Variants in TENM2 observed in about 807,000 individuals in gnomAD.
The protein encoded by TENM2 is teneurin transmembrane protein 2, also known as teneurin-2.
In TENM2, 52 loss-of-function variants were observed where a neutral mutation model predicts 245.2. The observed-to-expected ratio is 0.21, with a 90% CI of 0.17 to 0.27. The LOEUF (loss-of-function observed/expected upper bound fraction) is 0.27, where lower values mean the gene tolerates loss of function less well. Ranked by LOEUF, TENM2 falls within the 10% of genes least tolerant of loss-of-function variation. The probability of loss-of-function intolerance (pLI) is 1.00; values close to 1 mark genes in which losing one functional copy is unlikely to be tolerated. For missense variants in TENM2, 3,046 were observed against 3,666.8 expected, an observed-to-expected ratio of 0.83 and a Z score of 4.37; for synonymous variants, 1,363 against 1,438.9, an observed-to-expected ratio of 0.95 and a Z score of 1.19.
At chr5:168,245,057 G>A (rs560178072) in intron 26 of TENM2, among the ~76,000 whole-genome samples, 1 of 152,116 alleles carries the variant, frequency 6.6e-6, no homozygotes, top group African/African-American at 2.4e-5. Flanking sequence ...ATGAGTCACC[G>A]CACCTGACCA....
At chr5:167,863,474 C>T (rs2151300196) in intron 2 of TENM2, among the ~76,000 whole-genome samples, 1 of 151,772 alleles carries the variant, frequency 6.6e-6, no homozygotes, top group South Asian at 2.1e-4. Flanking sequence ...CACACACACA[C>T]ACACACACAC....
intron 3 of TENM2, among the ~76,000 whole-genome samples, chr5:167,947,021 CTG>C (rs3056560): frequency 0.11 from 17,456 of 152,122 alleles, 1,095 homozygotes; most frequent in African/African-American, 0.18. Flanking sequence ...TTGAGACTAT[CTG>C]TTAATAGCTC....
At chr5:167,546,722 C>T (rs1212454302) in intron 2 of TENM2, among the ~76,000 whole-genome samples, 1 of 152,114 alleles carries the variant, frequency 6.6e-6, no homozygotes, top group Non-Finnish European at 1.5e-5. Context: ...AGGGGATGCT[C>T]CGCAAGGCAG....
At chr5:167,604,572 G>T (rs1776892099) in intron 2 of TENM2, among the ~76,000 whole-genome samples, 2 of 152,066 alleles carry the variant, frequency 1.3e-5, no homozygotes, top group Admixed American at 6.6e-5. Context: ...TTGGATTAGG[G>T]TTTCTATAAG....
At chr5:168,106,437 A>G (rs1414234025) in intron 9 of TENM2, among the ~76,000 whole-genome samples, 1 of 152,202 alleles carries the variant, frequency 6.6e-6, no homozygotes, top group Non-Finnish European at 1.5e-5. Flanking sequence ...TAATTATGTC[A>G]TTGAATCATC....
the TENM2 span, among the ~76,000 whole-genome samples, chr5:167,158,909 TCTTC>T: frequency 1.1e-4 from 13 of 117,324 alleles, no homozygotes; most frequent in African/African-American, 3.3e-4. Flanking sequence ...CCTTCCTTCC[TCTTC>T]CTCTCTCTCT....
chr5:167,886,896 G>A (rs1185388272), intron 3 of TENM2, among the ~76,000 whole-genome samples: 3 of 152,212 alleles, frequency 2.0e-5, no homozygotes, highest in Admixed American at 1.3e-4. Flanking sequence ...GTGAACCTCA[G>A]TAGTTAGGCA....
chr5:168,064,963 G>C (rs1581200529), intron 7 of TENM2, among the ~76,000 whole-genome samples: 1 of 152,304 alleles, frequency 6.6e-6, no homozygotes, highest in East Asian at 1.9e-4. Flanking sequence ...ATTTCCTCAA[G>C]GAGACAGTGC....
the TENM2 span, among the ~76,000 whole-genome samples, chr5:167,113,742 A>T: frequency 6.6e-6 from 1 of 152,066 alleles, no homozygotes; most frequent in African/African-American, 2.4e-5. Flanking sequence ...TGATATTTTG[A>T]TGACAAAAGC....
At chr5:167,552,372 G>A (rs1027730524) in intron 2 of TENM2, among the ~76,000 whole-genome samples, 7 of 152,062 alleles carry the variant, frequency 4.6e-5, no homozygotes, top group Non-Finnish European at 1.0e-4. Flanking sequence ...TTTTGAGAAC[G>A]ATAATTCTTT....
At chr5:167,439,076 G>A (rs1561956664) in intron 2 of TENM2, among the ~76,000 whole-genome samples, 1 of 152,204 alleles carries the variant, frequency 6.6e-6, no homozygotes. Flanking sequence ...TTACAGGCAT[G>A]AGCCGCCGCA....
chr5:167,014,494 C>A, the TENM2 span, among the ~76,000 whole-genome samples: 2 of 152,076 alleles, frequency 1.3e-5, no homozygotes, highest in Non-Finnish European at 2.9e-5. Context: ...GAAAGATGAT[C>A]GTGTTGGCAG....
intron 2 of TENM2, among the ~76,000 whole-genome samples, chr5:167,637,032 T>C (rs1018038892): frequency 3.9e-5 from 6 of 152,190 alleles, no homozygotes; most frequent in African/African-American, 1.2e-4. Context: ...AATTATTTGA[T>C]CTTTCATTGC....
intron 1 of TENM2, among the ~76,000 whole-genome samples, chr5:167,344,788 T>A (rs1439193639): frequency 6.6e-6 from 1 of 152,132 alleles, no homozygotes; most frequent in Non-Finnish European, 1.5e-5. Flanking sequence ...ATGTCATAAC[T>A]GCTCTTTAAT....
At position 167,858,004 on chromosome 5, in the gene TENM2, C is replaced by G. The variant is rs375616165; in HGVS notation, c.503-17982C>G. Among the ~76,000 whole-genome samples, 64 of 152,328 alleles carry G rather than the reference C, an allele frequency of 4.2e-4. No individual in the cohort carries two copies. In the East Asian group the frequency reaches 0.011, roughly 27 times the overall value. ...GATCAGGGATATTATCTAAGGTTCC[C>G]TCTAAAGCTAACATTCAATGGACTT... On this transcript the variant is annotated intron_variant, in intron 2 of 28. Transcript: ENST00000518659.
At chr5:167,855,735 G>A in intron 2 of TENM2, among the ~76,000 whole-genome samples, 1 of 120,816 alleles carries the variant, frequency 8.3e-6, no homozygotes, top group African/African-American at 3.1e-5. Context: ...GGGAGGGAGG[G>A]AGGGAAGAAG....
chr5:167,009,106 C>G, the TENM2 span, among the ~76,000 whole-genome samples: 4 of 152,134 alleles, frequency 2.6e-5, no homozygotes, highest in Admixed American at 6.6e-5. Flanking sequence ...CTCATTTACA[C>G]CCTTCAACAG....
chr5:167,847,702 A>G (rs1770176138), intron 2 of TENM2, among the ~76,000 whole-genome samples: 1 of 152,232 alleles, frequency 6.6e-6, no homozygotes, highest in Non-Finnish European at 1.5e-5. Context: ...TTCTGTATCT[A>G]TGAGTATGTT....
At chr5:168,126,727 G>A (rs1432252417) in intron 11 of TENM2, 27 bp from the exon 14 acceptor site, 1 of 1,577,752 alleles carries the variant, frequency 6.3e-7, no homozygotes, top group Admixed American at 1.7e-5. Flanking sequence ...CTGTGGTGTT[G>A]AGCTGTAATC....
Sources: allele counts gnomAD v4.1 joint callset (sites outside exome capture counted in the v4.1 genomes callset), GRCh38; gene constraint gnomAD v4.1.1; transcripts MANE v1.5; gene names NCBI Gene and HGNC (gene_info 2026-07-23, HGNC 2026-07-21).